The following SYT14 variants were observed in gnomAD, a reference collection of about 807,000 sequenced individuals.
SYT14 encodes the protein synaptotagmin 14, also known as synaptotagmin-14.
A neutral mutation model predicts 74.2 loss-of-function variants in SYT14; 32 were observed. The observed-to-expected ratio is 0.43, with a 90% confidence interval of 0.33 to 0.58. SYT14 has a LOEUF of 0.58. Ranked by LOEUF, SYT14 falls within the 20% of genes least tolerant of loss-of-function variation. The pLI is 0.05. For missense variants in SYT14, 791 were observed against 981.8 expected, an observed-to-expected ratio of 0.81 and a Z score of 2.60; for synonymous variants, 298 against 337.7, an observed-to-expected ratio of 0.88 and a Z score of 1.29.
At chr1:210,096,470 A>G (rs1224872035) in intron 6 of SYT14, among the ~76,000 whole-genome samples, 1 of 152,204 alleles carries the variant, frequency 6.6e-6, no homozygotes, top group African/African-American at 2.4e-5. Flanking sequence ...AAATCCATTA[A>G]CACACCTGGG....
At chr1:210,126,255 G>C (rs745461340) in intron 7 of SYT14, among the ~76,000 whole-genome samples, 1 of 151,370 alleles carries the variant, frequency 6.6e-6, no homozygotes, top group Non-Finnish European at 1.5e-5. Context: ...AGCTTGAAAA[G>C]TGCTTCCGTG....
intron 5 of SYT14, among the ~76,000 whole-genome samples, chr1:210,048,800 C>T (rs1316215032): frequency 6.6e-6 from 1 of 152,194 alleles, no homozygotes; most frequent in Admixed American, 6.5e-5. Flanking sequence ...CAAGTCAAGT[C>T]CCCTCTGCCT....
intron 5 of SYT14, among the ~76,000 whole-genome samples, chr1:210,050,896 A>G (rs227175): frequency 0.57 from 86,397 of 152,040 alleles, 26,634 homozygotes; most frequent in African/African-American, 0.82. Context: ...ATTTGGATGG[A>G]GACACAGCCA....
At chr1:210,116,539 G>C (rs2082365107) in intron 7 of SYT14, among the ~76,000 whole-genome samples, 1 of 152,112 alleles carries the variant, frequency 6.6e-6, no homozygotes, top group Admixed American at 6.5e-5. Context: ...TAGAGGTGGG[G>C]TTTCACCATG....
intron 2 of SYT14, among the ~76,000 whole-genome samples, chr1:210,009,959 AT>A (rs1347708272): frequency 3.3e-5 from 5 of 151,952 alleles, no homozygotes; most frequent in Admixed American, 1.3e-4. Flanking sequence ...CTTCTTTCTT[AT>A]CCTCAACTCT....
intron 7 of SYT14, among the ~76,000 whole-genome samples, chr1:210,108,260 A>C (rs2082195589): frequency 7.4e-6 from 1 of 135,570 alleles, no homozygotes; most frequent in East Asian, 2.1e-4. Flanking sequence ...AAATTGGAGA[A>C]AAGAGAGGTA....
chr1:209,968,310 T>C (rs918660114), intron 2 of SYT14, among the ~76,000 whole-genome samples: 7 of 152,112 alleles, frequency 4.6e-5, no homozygotes, highest in African/African-American at 1.7e-4. Flanking sequence ...TTCTACAGTA[T>C]AAGGGTTTTA....
chr1:210,097,684 C>A (rs1288949556), intron 6 of SYT14, among the ~76,000 whole-genome samples: 1 of 152,018 alleles, frequency 6.6e-6, no homozygotes, highest in East Asian at 1.9e-4. Context: ...TCTTTAATTA[C>A]CAATTATAAA....
intron 4 of SYT14, among the ~76,000 whole-genome samples, chr1:210,017,860 G>A (rs1442308707): frequency 6.6e-6 from 1 of 152,080 alleles, no homozygotes; most frequent in African/African-American, 2.4e-5. Flanking sequence ...CTGATCACAA[G>A]GCCAAAAGTA....
chr1:209,985,250 G>C (rs2079551153), intron 2 of SYT14, among the ~76,000 whole-genome samples: 1 of 152,228 alleles, frequency 6.6e-6, no homozygotes, highest in African/African-American at 2.4e-5. Context: ...AGTGTGGATA[G>C]AGACATTGGG....
At chr1:210,111,125 C>T (rs879475633) in intron 7 of SYT14, among the ~76,000 whole-genome samples, 4 of 152,206 alleles carry the variant, frequency 2.6e-5, no homozygotes, top group African/African-American at 4.8e-5. Flanking sequence ...ACCAAACAGG[C>T]TTTGTGTGAG....
chr1:210,062,915 G>A (rs555064970), intron 5 of SYT14, among the ~76,000 whole-genome samples: 22 of 151,190 alleles, frequency 1.5e-4, no homozygotes, highest in African/African-American at 5.3e-4. Flanking sequence ...TGTGCATGTT[G>A]GTAAATTTGA....
At chr1:210,030,734 T>C (rs1443113073) in intron 5 of SYT14, among the ~76,000 whole-genome samples, 1 of 152,130 alleles carries the variant, frequency 6.6e-6, no homozygotes, top group East Asian at 1.9e-4. Context: ...TAGGAAAGCA[T>C]GTCAACTTTC....
At position 210,145,781 on chromosome 1, in the gene SYT14, T is replaced by C. The variant is rs73074137; in HGVS notation, c.2035-9940T>C. Among the ~76,000 whole-genome samples the C allele has an allele frequency of 3.1e-3, 471 of 152,286 alleles. 3 individuals are homozygous for C. The highest frequency in any genetic ancestry group is 0.011 in the African/African-American group (457 of 41,552). On this transcript the variant is annotated intron_variant, in intron 7 of 9. Transcript: ENST00000637265. ...TAGCTCATACTTTCTTTGTGTGAAA[T>C]GCCCTTCCCTATGCCTGCTGAAATA...
At chr1:210,154,356 G>C (rs938122421) in intron 7 of SYT14, among the ~76,000 whole-genome samples, 1 of 152,120 alleles carries the variant, frequency 6.6e-6, no homozygotes, top group African/African-American at 2.4e-5. Context: ...GCCTGAGCTC[G>C]GCCTCCTGTC....
chr1:209,951,041 A>G (rs926574707), intron 1 of SYT14, among the ~76,000 whole-genome samples: 5 of 152,242 alleles, frequency 3.3e-5, no homozygotes, highest in Admixed American at 2.0e-4. Flanking sequence ...ATGGGGTACA[A>G]TGTGATGTTT....
chr1:210,146,327 G>A (rs967829565), intron 7 of SYT14, among the ~76,000 whole-genome samples: 8 of 150,772 alleles, frequency 5.3e-5, no homozygotes, highest in Admixed American at 4.1e-4. Context: ...AGTGAGACTC[G>A]GTCTCAAAAA....
chr1:210,032,701 G>A (rs2080567906), intron 5 of SYT14, among the ~76,000 whole-genome samples: 1 of 148,132 alleles, frequency 6.8e-6, no homozygotes, highest in South Asian at 2.1e-4. Flanking sequence ...AATATTAATA[G>A]TTACAAATAA....
intron 5 of SYT14, among the ~76,000 whole-genome samples, chr1:210,093,822 A>G (rs1398407958): frequency 6.6e-6 from 1 of 152,224 alleles, no homozygotes; most frequent in African/African-American, 2.4e-5. Flanking sequence ...AACATTTCTG[A>G]CACTGCTAGC....
Sources: allele counts gnomAD v4.1 joint callset (sites outside exome capture counted in the v4.1 genomes callset), GRCh38; gene constraint gnomAD v4.1.1; transcripts MANE v1.5; gene names NCBI Gene and HGNC (gene_info 2026-07-23, HGNC 2026-07-21).